The following SFRP5 variants were observed in gnomAD, a reference collection of about 807,000 sequenced individuals.
SFRP5 encodes the protein secreted frizzled-related protein 5.
SFRP5 carries 22 observed loss-of-function variants against 27.0 expected under a neutral mutation model. The ratio of observed to expected loss-of-function variants is 0.82; its 90% confidence interval spans 0.58 to 1.17. SFRP5 has a LOEUF of 1.17. Ranked by LOEUF, SFRP5 falls within the 50% of genes most tolerant of loss-of-function variation. The probability of loss-of-function intolerance (pLI) is 0.00; values close to 1 mark genes in which losing one functional copy is unlikely to be tolerated. For synonymous variants in SFRP5, 171 were observed against 195.0 expected (o/e 0.88, Z 1.03); for missense variants, 406 against 436.6 (o/e 0.93, Z 0.63).
chr10:97,767,268 T>TCCTCCCCTGC lies in SFRP5; in HGVS notation c.*245_*246insGCAGGGGAGG. On this transcript the variant is annotated 3_prime_UTR_variant, in exon 3 of 3. Transcript: ENST00000266066. ...TTACCCTCTCCTCCCCTGCCTACTT[T>TCCTCCCCTGC]CTGAGACCCTGAGGTCTTCACCCAG... is the stretch of plus-strand genomic sequence containing the variant. 4 of 424,388 alleles carry TCCTCCCCTGC rather than the reference T, an allele frequency of 9.4e-6. No homozygotes were observed. The highest frequency in any genetic ancestry group is 1.7e-5 in the Non-Finnish European group (4 of 240,364). The allele number at this position is 424,388 out of a possible 1,614,324, so 26.3% of individuals were successfully genotyped here. A position where few individuals can be genotyped will look rare whatever the true frequency, so the allele number is the denominator to read the frequency against.
chr10:97,767,954 T>TCCCCCAGCCCGAA, intron 2 of SFRP5, 94 bp from the exon 3 acceptor site: 1 of 889,356 alleles, frequency 1.1e-6, no homozygotes, highest in Non-Finnish European at 1.7e-6. Context: ...ACCTTCGGGC[T>TCCCCCAGCCCGAA]GGGGGAGCCT....
intron 1 of SFRP5, among the ~76,000 whole-genome samples, chr10:97,770,898 C>T (rs1475978299): frequency 6.6e-6 from 1 of 152,166 alleles, no homozygotes; most frequent in East Asian, 1.9e-4. Flanking sequence ...GCTTTGGTGC[C>T]TCGGGATCCA....
Position 97,771,310 on chromosome 10 carries a change from G to C in SFRP5, c.524C>G (p.Pro175Arg). 9 of 1,568,414 alleles carry C rather than the reference G, an allele frequency of 5.7e-6. No homozygotes were observed. The highest frequency in any genetic ancestry group is 6.9e-6 in the Non-Finnish European group (8 of 1,158,188). The change falls in exon 1 of 3, where the codon CCT (proline) becomes CGT (arginine). Residue 175 changes from proline (P) to arginine (R), a missense_variant. Pro to Arg is a moderately radical substitution (Grantham distance 103). Transcript: ENST00000266066. This position sits in a 1 kb window ranked among gnomAD's most constrained non-coding sequence, Gnocchi z 5.2. ...VQFGHLPATA[P>R]PVTKICAQCE... ...GACGGCGGCGGCGGCGCTACCTGGA[G>C]GCGCGGTGGCGGGCAGGTGCCCGAA...
Position 97,771,805 on chromosome 10 carries a change from ACGCCCCCCCCCGCCGC to A in SFRP5, c.13_28del (p.Ala5CysfsTer76). 8.1e-7 allele frequency: 1 copy of A among 1,234,394 alleles called. No homozygotes were observed. Among genetic ancestry groups the A allele is most frequent in the Non-Finnish European group, 1.0e-6 (1 of 994,162 alleles). 76.5% of individuals were successfully genotyped at this position (1,234,394 alleles called of 1,614,324 possible). A position where few individuals can be genotyped will look rare whatever the true frequency, so the allele number is the denominator to read the frequency against. On this transcript the variant is annotated frameshift_variant, in exon 1 of 3. Transcript: ENST00000266066. LOFTEE classifies it high-confidence loss of function. The surrounding 1 kb of genome is among the most constrained non-coding windows in gnomAD (Gnocchi z 5.2). ...CAGCAGCGCCAGCGCGGCCGTCCGC[ACGCCCCCCCCCGCCGC>A]CGCCGCCCGCATGGCTGCGCCCTCT...
Position 97,771,568 on chromosome 10 carries a change from G to C in SFRP5, c.266C>G (p.Ala89Gly). The C allele has an allele frequency of 6.2e-7, 1 of 1,611,632 alleles. No homozygotes were observed. Among genetic ancestry groups the C allele is most frequent in the Non-Finnish European group, 8.5e-7 (1 of 1,178,702 alleles). Reference protein sequence around the residue: ...HESLAEVKQQASSWLPLLAKR... With the variant: ...HESLAEVKQQGSSWLPLLAKR... ...GGCCAGCAGCGGCAGCCAGCTGCTC[G>C]CCTGCTGCTTCACTTCGGCCAGGCT... Residue 89 changes from alanine (A) to glycine (G), a missense_variant, in exon 1 of 3, where the codon GCG (alanine) becomes GGG (glycine). By Grantham distance (60) the Ala-to-Gly change is moderately conservative (BLOSUM62 0). Coordinates refer to ENST00000266066, the MANE Select transcript of SFRP5 (RefSeq NM_003015.3). This position sits in a 1 kb window ranked among gnomAD's most constrained non-coding sequence, Gnocchi z 5.2.
rs2049512482 is a variant in SFRP5, at chr10:97,771,112, C to T, written c.529+193G>A. Among the ~76,000 whole-genome samples the T allele has an allele frequency of 1.3e-5, 2 of 151,892 alleles. No individual in the cohort carries two copies. The highest frequency in any genetic ancestry group is 4.2e-4 in the South Asian group (2 of 4,814). Reference sequence around the variant, plus strand: ...GGAGCCGCCGGGAGGCACTATGCTGCCACTCCCTGGGGAGGTGGGAAGGCG... The same window carrying T: ...GGAGCCGCCGGGAGGCACTATGCTGTCACTCCCTGGGGAGGTGGGAAGGCG... On this transcript the variant is annotated intron_variant, in intron 1 of 2. Transcript: ENST00000266066. The surrounding 1 kb of genome is among the most constrained non-coding windows in gnomAD (Gnocchi z 5.2).
At position 97,771,716 on chromosome 10, in the gene SFRP5, C is replaced by A; in HGVS notation, c.118G>T (p.Glu40Ter). The A allele has an allele frequency of 6.3e-7, 1 of 1,596,376 alleles. No homozygotes were observed. Among genetic ancestry groups the A allele is most frequent in the Non-Finnish European group, 8.5e-7 (1 of 1,179,212 alleles). ...EEYDYYGWQAEPLHGRSYSKP... is the reference protein window; with the variant it reads ...EEYDYYGWQA Reference sequence around the variant, plus strand: ...GAGTAGGAGCGGCCGTGCAGCGGCTCGGCCTGCCAGCCATAGTAGTCGTAC... The same window carrying A: ...GAGTAGGAGCGGCCGTGCAGCGGCTAGGCCTGCCAGCCATAGTAGTCGTAC... Residue 40 changes from glutamate to a stop codon, truncating the protein, a stop_gained, in exon 1 of 3, where the codon GAG (glutamate) becomes TAG (stop). Coordinates refer to ENST00000266066, the MANE Select transcript of SFRP5 (RefSeq NM_003015.3). LOFTEE classifies it high-confidence loss of function. This position sits in a 1 kb window ranked among gnomAD's most constrained non-coding sequence, Gnocchi z 5.2.
chr10:97,767,896 G>A (rs12254497), intron 2 of SFRP5, 36 bp from the exon 3 acceptor site: 1 of 1,462,728 alleles, frequency 6.8e-7, no homozygotes, highest in African/African-American at 1.4e-5. Context: ...GTTGGGAATG[G>A]TCAGATCTGT....
chr10:97,767,395 C>T lies in SFRP5; in HGVS notation c.*119G>A. The T allele has an allele frequency of 1.3e-6, 1 of 767,382 alleles. No individual in the cohort carries two copies. The highest frequency in any genetic ancestry group is 2.1e-6 in the Non-Finnish European group (1 of 484,454). 47.5% of individuals were successfully genotyped at this position (767,382 alleles called of 1,614,324 possible). A position where few individuals can be genotyped will look rare whatever the true frequency, so the allele number is the denominator to read the frequency against. ...CTGGGCTCCGTGCCCATCCCTTAGG[C>T]CTTGTGCCAGTAACAACATTCGTGA... On this transcript the variant is annotated 3_prime_UTR_variant, in exon 3 of 3. Transcript: ENST00000266066.
rs748487883 is a variant in SFRP5 at position 97,767,525 on chromosome 10, C to T, written c.943G>A (p.Glu315Lys). Residue 315 changes from glutamate (E) to lysine (K), a missense_variant, in exon 3 of 3, where the codon GAG becomes AAG. By Grantham distance (56) the Glu-to-Lys change is moderately conservative. Coordinates refer to ENST00000266066, the MANE Select transcript of SFRP5 (RefSeq NM_003015.3). ...LYYPFFYGAA[E>K]PH ...AGGAGGAGTGCCCTTCAGTGGGGCT[C>T]TGCCGCCCCGTAGAAGAAAGGGTAG... 13 of 1,604,988 alleles carry T rather than the reference C, an allele frequency of 8.1e-6. No homozygotes were observed. Among genetic ancestry groups the T allele is most frequent in the Non-Finnish European group, 1.1e-5 (13 of 1,175,098 alleles).
chr10:97,770,045 C>A (rs2049506497), intron 1 of SFRP5, among the ~76,000 whole-genome samples: 1 of 152,208 alleles, frequency 6.6e-6, no homozygotes, highest in Non-Finnish European at 1.5e-5. Context: ...CTCTCATCCT[C>A]AGCCTATGAA....
intron 2 of SFRP5, among the ~76,000 whole-genome samples, chr10:97,768,990 T>A (rs1336272169): frequency 6.6e-6 from 1 of 152,192 alleles, no homozygotes; most frequent in African/African-American, 2.4e-5. Flanking sequence ...GTATTCTCTT[T>A]CCAAACAGGC....
chr10:97,769,857 G>A, intron 1 of SFRP5, 112 bp from the exon 2 acceptor site: 4 of 715,622 alleles, frequency 5.6e-6, no homozygotes, highest in Non-Finnish European at 1.0e-5. Flanking sequence ...CCCTTGCCAA[G>A]CCTCTACTTC....
Position 97,771,372 on chromosome 10 carries a change from C to G in SFRP5, c.462G>C (p.Lys154Asn). Residue 154 changes from lysine (K) to asparagine (N), a missense_variant, in exon 1 of 3, where the codon AAG (lysine) becomes AAC (asparagine). Coordinates refer to ENST00000266066, the MANE Select transcript of SFRP5 (RefSeq NM_003015.3). The surrounding 1 kb of genome is among the most constrained non-coding windows in gnomAD (Gnocchi z 5.2). ...TGCAGAGGTCGTTGTCCAGGGGGAACTTGTGGCAGTGCAGCATCTCAGGCC... is the reference window on the plus strand; with the variant it reads ...TGCAGAGGTCGTTGTCCAGGGGGAAGTTGTGGCAGTGCAGCATCTCAGGCC... ...FPWPEMLHCH[K>N]FPLDNDLCIA... 6.2e-7 allele frequency: 1 copy of G among 1,611,916 alleles called. No individual in the cohort carries two copies. Among genetic ancestry groups the G allele is most frequent in the Non-Finnish European group, 8.5e-7 (1 of 1,179,176 alleles).
In SFRP5 at chr10:97,766,815, G is replaced by A. The variant is rs546782675; in HGVS notation, c.*699C>T. On this transcript the variant is annotated 3_prime_UTR_variant, in exon 3 of 3. Coordinates refer to ENST00000266066, the MANE Select transcript of SFRP5 (RefSeq NM_003015.3). ...TAGAAAACCCAACCCTGCATGTATT[G>A]GTTGTCTAGTACCTATGGCCTCACA... 3.3e-5 allele frequency: 5 copies of A among 152,268 alleles called. No individual in the cohort carries two copies. The highest frequency in any genetic ancestry group is 1.2e-4 in the African/African-American group (5 of 41,528). 9.4% of individuals were successfully genotyped at this position (152,268 alleles called of 1,614,324 possible).
intron 1 of SFRP5, among the ~76,000 whole-genome samples, chr10:97,770,172 C>T (rs552331816): frequency 6.6e-5 from 10 of 152,336 alleles, no homozygotes; most frequent in African/African-American, 2.4e-4. Context: ...CAGGTTTAAG[C>T]GATTCTTCTG....
At position 97,771,421 on chromosome 10, in the gene SFRP5, A is replaced by G; in HGVS notation, c.413T>C (p.Leu138Pro). The G allele has an allele frequency of 6.2e-7, 1 of 1,612,974 alleles. No homozygotes were observed. The highest frequency in any genetic ancestry group is 8.5e-7 in the Non-Finnish European group (1 of 1,179,542). Residue 138 changes from leucine (L) to proline (P), a missense_variant, in exon 1 of 3, where the codon CTC becomes CCC. Leu to Pro is a moderately conservative substitution (Grantham distance 98). Coordinates refer to ENST00000266066, the MANE Select transcript of SFRP5 (RefSeq NM_003015.3). The surrounding 1 kb of genome is among the most constrained non-coding windows in gnomAD (Gnocchi z 5.2). ...CCAGGGGAAGCCGTAGGCCTCCATG[A>G]GCGGCGCGCAGCCGGCGCGCACGGC... ...CEAVRAGCAPLMEAYGFPWPE... is the reference protein window; with the variant it reads ...CEAVRAGCAPPMEAYGFPWPE...
chr10:97,767,671 A>T lies in SFRP5; in HGVS notation c.797T>A (p.Leu266Gln). 6.2e-7 allele frequency: 1 copy of T among 1,614,118 alleles called. No individual in the cohort carries two copies. The highest frequency in any genetic ancestry group is 8.5e-7 in the Non-Finnish European group (1 of 1,180,030). ...TCCATCCACTTTGCGGCCCATGACC[A>T]GGAAGCTGCCCGCCAGGCTGTCCAG... is the stretch of plus-strand genomic sequence containing the variant. ...PQLDSLAGSF[L>Q]VMGRKVDGQL... Residue 266 changes from leucine to glutamine, a missense_variant, in exon 3 of 3, where the codon CTG becomes CAG. Leu to Gln is a moderately radical substitution (Grantham distance 113). Transcript: ENST00000266066.
intron 2 of SFRP5, among the ~76,000 whole-genome samples, chr10:97,768,260 G>A (rs781625224): frequency 6.6e-6 from 1 of 152,084 alleles, no homozygotes; most frequent in Non-Finnish European, 1.5e-5. Flanking sequence ...TTGTGATGGA[G>A]GGAAGCTGGA....
Sources: gnomAD v4.1 joint callset for allele counts (sites outside exome capture counted in the v4.1 genomes callset) on GRCh38, gnomAD v4.1.1 for gene constraint, Gnocchi (gnomAD v3.1) non-coding constraint, MANE v1.5 for transcripts, NCBI Gene and HGNC (gene_info 2026-07-23, HGNC 2026-07-21) for gene names.